R3HDM2: variants seen among roughly 807,000 people sequenced by gnomAD.
R3HDM2 encodes the protein R3H domain-containing protein 2.
R3HDM2 carries 38 observed loss-of-function variants against 124.5 expected under a neutral mutation model. That is an observed-to-expected ratio of 0.31 (90% CI 0.24 to 0.40). The LOEUF (loss-of-function observed/expected upper bound fraction) is 0.40. R3HDM2 is among the 10% of genes least tolerant of loss of function. The pLI is 1.00. For missense variants in R3HDM2, 869 were observed against 1,236.9 expected (o/e 0.70, Z 4.46); for synonymous variants, 391 against 448.0 (o/e 0.87, Z 1.61).
intron 6 of R3HDM2, 34 bp downstream of exon 6, chr12:57,299,318 C>T (rs2050604119): frequency 6.5e-7 from 1 of 1,529,690 alleles, no homozygotes; most frequent in Non-Finnish European, 8.9e-7. Context: ...GGGCACTGCC[C>T]TAGAACAGAT....
At chr12:57,304,565 G>A (rs2138855326) in intron 3 of R3HDM2, 1 of 951,962 alleles carries the variant, frequency 1.1e-6, no homozygotes, top group Non-Finnish European at 1.3e-6. Flanking sequence ...TGGAGAACTG[G>A]GAAGGTGGAT....
chr12:57,370,840 C>T (rs2063267461), intron 2 of R3HDM2, among the ~76,000 whole-genome samples: 1 of 151,930 alleles, frequency 6.6e-6, no homozygotes, highest in Non-Finnish European at 1.5e-5. Flanking sequence ...AATGTCAGGA[C>T]AGCAGTCAGT....
intron 2 of R3HDM2, among the ~76,000 whole-genome samples, chr12:57,349,785 C>G (rs1366295131): frequency 3.3e-5 from 5 of 152,110 alleles, no homozygotes; most frequent in Non-Finnish European, 7.4e-5. Flanking sequence ...TGGTCTCCAT[C>G]TCCTGTCCTC....
At position 57,386,272 on chromosome 12, in the gene R3HDM2, G is replaced by A. The variant is rs545625287; in HGVS notation, c.-36+9477C>T. Among the ~76,000 whole-genome samples the A allele has an allele frequency of 3.3e-5, 5 of 152,314 alleles. No homozygotes were observed. In the South Asian group the frequency reaches 1.0e-3, roughly 32 times the overall value. On this transcript the variant is annotated intron_variant, in intron 2 of 23. Coordinates refer to ENST00000402412, the MANE Select transcript of R3HDM2 (RefSeq NM_001394031.1). ...GGGAGCTCCTTCCTGGGCTCGCCGAGGCGGGAGCCGGCTCCCTCAGCTTGC... is the reference window on the plus strand; with the variant it reads ...GGGAGCTCCTTCCTGGGCTCGCCGAAGCGGGAGCCGGCTCCCTCAGCTTGC...
intron 2 of R3HDM2, among the ~76,000 whole-genome samples, chr12:57,361,554 T>C (rs925480745): frequency 4.0e-5 from 6 of 151,448 alleles, no homozygotes; most frequent in Non-Finnish European, 7.4e-5. Flanking sequence ...TATGGTGTCA[T>C]GCACCTGTGG....
intron 2 of R3HDM2, among the ~76,000 whole-genome samples, chr12:57,367,993 G>A (rs1191596500): frequency 1.3e-5 from 2 of 150,854 alleles, no homozygotes; most frequent in East Asian, 3.9e-4. Context: ...CTCTGGGTCT[G>A]ATTCAGTTGT....
chr12:57,260,274 A>AAAAAAAAAAAAAAAAAAAAAAAAG, intron 19 of R3HDM2, among the ~76,000 whole-genome samples: 1 of 145,482 alleles, frequency 6.9e-6, no homozygotes, highest in Non-Finnish European at 1.5e-5. Flanking sequence ...AAAAAAAAAA[A>AAAAAAAAAAAAAAAAAAAAAAAAG]AAAAAAAAAA....
At chr12:57,339,081 G>C (rs1464551953) in intron 2 of R3HDM2, among the ~76,000 whole-genome samples, 2 of 152,080 alleles carry the variant, frequency 1.3e-5, no homozygotes, top group Non-Finnish European at 2.9e-5. Context: ...CCAGGCTGGA[G>C]TGCAGAGGTG....
intron 1 of R3HDM2, among the ~76,000 whole-genome samples, chr12:57,414,792 C>T (rs907446527): frequency 6.6e-6 from 1 of 151,314 alleles, no homozygotes; most frequent in Non-Finnish European, 1.5e-5. Flanking sequence ...AACATCACAC[C>T]ACTGCACTCC....
intron 3 of R3HDM2, among the ~76,000 whole-genome samples, chr12:57,306,619 C>T (rs1392159283): frequency 6.6e-6 from 1 of 152,068 alleles, no homozygotes; most frequent in Non-Finnish European, 1.5e-5. Context: ...CCATGTTGGC[C>T]AGGATGGGCT....
At chr12:57,428,318 C>T (rs1179048029) in intron 1 of R3HDM2, among the ~76,000 whole-genome samples, 1 of 151,980 alleles carries the variant, frequency 6.6e-6, no homozygotes, top group African/African-American at 2.4e-5. Flanking sequence ...AAGGGTGCCA[C>T]AGATCTAGAG....
chr12:57,393,068 T>C (rs1191226021), intron 2 of R3HDM2, among the ~76,000 whole-genome samples: 1 of 149,644 alleles, frequency 6.7e-6, no homozygotes, highest in Admixed American at 6.7e-5. Context: ...CCTCCCAGAG[T>C]GCTGGGATTA....
intron 14 of R3HDM2, 28 bp from the exon 15 acceptor site, chr12:57,270,022 T>C: frequency 6.2e-7 from 1 of 1,611,684 alleles, no homozygotes; most frequent in Non-Finnish European, 8.5e-7. Flanking sequence ...GACACAGGAT[T>C]GGGGCTGTAT....
intron 2 of R3HDM2, among the ~76,000 whole-genome samples, chr12:57,373,417 A>G (rs1313038931): frequency 6.6e-6 from 1 of 151,888 alleles, no homozygotes; most frequent in African/African-American, 2.4e-5. Flanking sequence ...GGAGAATGGC[A>G]TGACCCCAGA....
intron 2 of R3HDM2, chr12:57,341,578 G>A (rs1035732325): frequency 4.4e-6 from 1 of 226,434 alleles, no homozygotes; most frequent in African/African-American, 2.3e-5. Context: ...AATAAACCCA[G>A]AAGAAATCCA....
chr12:57,361,436 T>C (rs2061956192), intron 2 of R3HDM2, among the ~76,000 whole-genome samples: 1 of 141,520 alleles, frequency 7.1e-6, no homozygotes, highest in South Asian at 2.4e-4. Context: ...CTGTAATCCC[T>C]ACACTTTGGG....
At chr12:57,423,194 G>A (rs924420517) in intron 1 of R3HDM2, among the ~76,000 whole-genome samples, 1 of 152,114 alleles carries the variant, frequency 6.6e-6, no homozygotes, top group Non-Finnish European at 1.5e-5. Context: ...GGCCAAGGCA[G>A]GTGGATCACC....
chr12:57,287,561 T>G (rs1232675478), intron 12 of R3HDM2, among the ~76,000 whole-genome samples: 1 of 152,170 alleles, frequency 6.6e-6, no homozygotes, highest in East Asian at 1.9e-4. Flanking sequence ...CCACAAGGTT[T>G]GGCTAGCTTT....
At chr12:57,265,443 C>T (rs1268373417) in intron 19 of R3HDM2, among the ~76,000 whole-genome samples, 1 of 151,294 alleles carries the variant, frequency 6.6e-6, no homozygotes, top group Non-Finnish European at 1.5e-5. Context: ...AGGATAAGTA[C>T]AGAAGACACA....
Sources: gnomAD v4.1 joint callset for allele counts (sites outside exome capture counted in the v4.1 genomes callset) on GRCh38, gnomAD v4.1.1 for gene constraint, MANE v1.5 for transcripts, NCBI Gene and HGNC (gene_info 2026-07-23, HGNC 2026-07-21) for gene names.